The following SLC26A4 variants were observed in gnomAD, a reference collection of about 807,000 sequenced individuals.
SLC26A4 encodes solute carrier family 26 member 4.
A neutral mutation model predicts 90.4 loss-of-function variants in SLC26A4; 93 were observed. The observed-to-expected ratio is 1.03, with a 90% CI of 0.87 to 1.22. The LOEUF (loss-of-function observed/expected upper bound fraction) is 1.22, where lower values mean the gene tolerates loss of function less well. Among genes scored for constraint, SLC26A4 ranks in the 50% most tolerant of loss-of-function variants. The pLI, the probability that SLC26A4 is intolerant of heterozygous loss-of-function variation, is 0.00. For missense variants in SLC26A4, 1,127 were observed against 946.2 expected (o/e 1.19, Z -2.51); for synonymous variants, 393 against 354.6 (o/e 1.11, Z -1.22).
intron 20 of SLC26A4, among the ~76,000 whole-genome samples, chr7:107,714,085 A>AT (rs11335507): frequency 8.7e-5 from 13 of 148,922 alleles, no homozygotes; most frequent in Non-Finnish European, 1.0e-4. Context: ...CGTCCAGATA[A>AT]TTTTTTTTTT....
Position 107,696,482 on chromosome 7 carries a change from C to A in SLC26A4, c.1544+443C>A, listed in dbSNP as rs192915701. Among the ~76,000 whole-genome samples, 479 of 152,276 alleles carry A rather than the reference C, an allele frequency of 3.1e-3. 3 individuals carry two copies. Among genetic ancestry groups the A allele is most frequent in the African/African-American group, 0.011 (467 of 41,552 alleles). ...AAGGCGCTCGGCCCCAGGCTTGGGACAAGACAGCTGTTATATATTATAGTT... is the reference window on the plus strand; with the variant it reads ...AAGGCGCTCGGCCCCAGGCTTGGGAAAAGACAGCTGTTATATATTATAGTT... On this transcript the variant is annotated intron_variant, in intron 13 of 20. Coordinates refer to ENST00000644269, the MANE Select transcript of SLC26A4 (RefSeq NM_000441.2).
chr7:107,713,061 C>A (rs971998914), intron 20 of SLC26A4, among the ~76,000 whole-genome samples: 1 of 152,234 alleles, frequency 6.6e-6, no homozygotes, highest in South Asian at 2.1e-4. Flanking sequence ...TCTCCCCACC[C>A]TAGACTGATT....
At chr7:107,683,889 T>C (rs1330564040) in intron 8 of SLC26A4, among the ~76,000 whole-genome samples, 1 of 152,178 alleles carries the variant, frequency 6.6e-6, no homozygotes, top group Non-Finnish European at 1.5e-5. Context: ...ACAATCTGCT[T>C]AAGGAATCAG....
intron 3 of SLC26A4, among the ~76,000 whole-genome samples, chr7:107,665,651 C>T (rs368381069): frequency 1.5e-4 from 23 of 152,166 alleles, no homozygotes; most frequent in Admixed American, 5.2e-4. Context: ...CCCCAGTTTT[C>T]ATAGACAAGT....
At chr7:107,686,562 A>G (rs2129315318) in intron 8 of SLC26A4, among the ~76,000 whole-genome samples, 1 of 151,206 alleles carries the variant, frequency 6.6e-6, no homozygotes, top group South Asian at 2.1e-4. Flanking sequence ...ATCTCGGCTC[A>G]CTGCAACCTC....
chr7:107,675,109 T>G lies in SLC26A4; in HGVS notation c.765T>G (p.Tyr255Ter), dbSNP rs141852897. The G allele has an allele frequency of 6.2e-7, 1 of 1,612,846 alleles. No homozygotes were observed. Among genetic ancestry groups the G allele is most frequent in the South Asian group, 1.1e-5 (1 of 91,040 alleles). The change falls in exon 6 of 21, where the codon TAT (tyrosine) becomes TAG (stop). Residue 255 changes from tyrosine to a stop codon, truncating the protein, a stop_gained and splice_region_variant. Transcript: ENST00000644269. LOFTEE classifies it high-confidence loss of function. Reference sequence around the variant, plus strand: ...ACAATGGAGTTCTCTCTATTATCTATGTAAGTGTTGCTTCTTGCTCCAGGG... The same window carrying G: ...ACAATGGAGTTCTCTCTATTATCTAGGTAAGTGTTGCTTCTTGCTCCAGGG... Reference protein sequence around the residue: ...KNYNGVLSIIYTLVEIFQNIG... With the variant: ...KNYNGVLSII
Position 107,689,053 on chromosome 7 carries a change from GT to G in SLC26A4, c.1007del (p.Leu336CysfsTer8). 6.2e-7 allele frequency: 1 copy of G among 1,613,816 alleles called. No individual in the cohort carries two copies. On this transcript the variant is annotated frameshift_variant and splice_region_variant, in exon 9 of 21. Coordinates refer to ENST00000644269, the MANE Select transcript of SLC26A4 (RefSeq NM_000441.2). LOFTEE classifies it high-confidence loss of function. ...AGIVKSIPRGFLPPELPPVSL... is the reference protein window; with the variant it reads ...AGIVKSIPRGXLPPELPPVSL... Reference sequence around the variant, plus strand: ...CATTTTTCACTTAAAAACTCACTAGGTTTTTGCCTCCTGAACTTCCACCTGT... The same window carrying G: ...CATTTTTCACTTAAAAACTCACTAGGTTTTGCCTCCTGAACTTCCACCTGT...
intron 3 of SLC26A4, among the ~76,000 whole-genome samples, chr7:107,668,614 T>C (rs1392628057): frequency 6.6e-6 from 1 of 152,198 alleles, no homozygotes; most frequent in African/African-American, 2.4e-5. Flanking sequence ...TTAAAACAAA[T>C]TCCCATCAGA....
Position 107,661,882 on chromosome 7 carries a change from CG to C in SLC26A4, c.164+80del. ...CTTGGGGAGGGAAGGGCGTCCCCAG[CG>C]GGCGAGAGTGGGGTGCGGGCGGCGG... is the stretch of plus-strand genomic sequence containing the variant. On this transcript the variant is annotated intron_variant, in intron 2 of 20. Transcript: ENST00000644269. The surrounding 1 kb of genome is among the most constrained non-coding windows in gnomAD (Gnocchi z 5.1). 1 of 1,457,644 alleles carries C rather than the reference CG, an allele frequency of 6.9e-7. No individual in the cohort carries two copies. Among genetic ancestry groups the C allele is most frequent in the Non-Finnish European group, 9.2e-7 (1 of 1,091,794 alleles). The allele number at this position is 1,457,644 out of a possible 1,614,324, so 90.3% of individuals were successfully genotyped here.
chr7:107,713,906 T>TTAG (rs561223852), intron 20 of SLC26A4, among the ~76,000 whole-genome samples: 2 of 110,884 alleles, frequency 1.8e-5, no homozygotes, highest in Non-Finnish European at 3.6e-5. Context: ...TGTATTATTA[T>TTAG]TAGTATTATT....
Position 107,687,386 on chromosome 7 carries a change from C to A in SLC26A4, c.1002-1667C>A, listed in dbSNP as rs147045097. On this transcript the variant is annotated intron_variant, in intron 8 of 20. Transcript: ENST00000644269. ...AATAATTGGCACACTTAGGGTTCAG[C>A]AAGACAGCAGACATGAGTGGCAGGA... Among the ~76,000 whole-genome samples, 210 of 152,304 alleles carry A rather than the reference C, an allele frequency of 1.4e-3. 3 individuals are homozygous for A. In the East Asian group the frequency reaches 0.031, roughly 22 times the overall value.
In SLC26A4 at chr7:107,683,540, G is replaced by A; in HGVS notation, c.1001+3G>A. ...ATTGTTAAATCCATCCCAAGGGGGT[G>A]AGTGTGGTGTTCCTCTTAGTACTAA... On this transcript the variant is annotated splice_donor_region_variant and intron_variant, in intron 8 of 20. Coordinates refer to ENST00000644269, the MANE Select transcript of SLC26A4 (RefSeq NM_000441.2). The A allele has an allele frequency of 9.3e-6, 15 of 1,612,764 alleles. No homozygotes were observed. The highest frequency in any genetic ancestry group is 1.3e-5 in the Non-Finnish European group (15 of 1,178,912).
intron 3 of SLC26A4, among the ~76,000 whole-genome samples, chr7:107,668,318 T>C (rs1190065800): frequency 6.6e-6 from 1 of 152,054 alleles, no homozygotes; most frequent in African/African-American, 2.4e-5. Context: ...GTGTGGAGGA[T>C]AGAGAGAAAG....
intron 8 of SLC26A4, among the ~76,000 whole-genome samples, chr7:107,687,942 G>T (rs569430765): frequency 6.6e-6 from 1 of 152,138 alleles, no homozygotes; most frequent in South Asian, 2.1e-4. Context: ...GTCTCATTGT[G>T]GGGTAGGATG....
chr7:107,691,108 T>TACACACACAC (rs113420862), intron 10 of SLC26A4, among the ~76,000 whole-genome samples: 3,418 of 141,448 alleles, frequency 0.024, 118 homozygotes, highest in Admixed American at 0.081. Context: ...CATAGTGCAA[T>TACACACACAC]ACACACACAC....
intron 8 of SLC26A4, among the ~76,000 whole-genome samples, chr7:107,688,749 A>G (rs964324525): frequency 6.6e-6 from 1 of 152,174 alleles, no homozygotes; most frequent in Non-Finnish European, 1.5e-5. Flanking sequence ...AATGGCATGG[A>G]TGGGGCTGTA....
At chr7:107,706,070 T>C (rs1792029764) in intron 18 of SLC26A4, among the ~76,000 whole-genome samples, 2 of 152,210 alleles carry the variant, frequency 1.3e-5, no homozygotes, top group South Asian at 2.1e-4. Flanking sequence ...AGGTAGATAA[T>C]AAAAACTCAT....
intron 3 of SLC26A4, among the ~76,000 whole-genome samples, chr7:107,664,755 T>A (rs973936920): frequency 3.3e-5 from 5 of 152,182 alleles, no homozygotes; most frequent in Admixed American, 6.5e-5. Context: ...ATCTTAGAAA[T>A]CTGTTGTATA....
At chr7:107,692,106 T>C in intron 10 of SLC26A4, 4 of 1,287,630 alleles carry the variant, frequency 3.1e-6, no homozygotes, top group Non-Finnish European at 4.0e-6. Flanking sequence ...AGTGACCTCC[T>C]TGGCACAGGG....
Sources: gnomAD v4.1 joint callset for allele counts (sites outside exome capture counted in the v4.1 genomes callset) on GRCh38, gnomAD v4.1.1 for gene constraint, Gnocchi (gnomAD v3.1) non-coding constraint, MANE v1.5 for transcripts, NCBI Gene and HGNC (gene_info 2026-07-23, HGNC 2026-07-21) for gene names.